GPR137C: variants seen among roughly 807,000 people sequenced by gnomAD.
The protein encoded by GPR137C is G protein-coupled receptor 137C, also known as integral membrane protein GPR137C.
Under a neutral mutation model 43.4 loss-of-function variants are expected in GPR137C, and 27 were observed. That is an observed-to-expected ratio of 0.62 (90% CI 0.46 to 0.86). GPR137C has a LOEUF of 0.86. GPR137C is among the 40% of genes least tolerant of loss of function. The probability of loss-of-function intolerance (pLI) is 0.00; values close to 1 mark genes in which losing one functional copy is unlikely to be tolerated. For missense variants in GPR137C, 522 were observed against 534.6 expected (o/e 0.98, Z 0.23); for synonymous variants, 285 against 226.9 (o/e 1.26, Z -2.30).
At chr14:52,555,685 T>A (rs543815164) in intron 1 of GPR137C, among the ~76,000 whole-genome samples, 1 of 152,328 alleles carries the variant, frequency 6.6e-6, no homozygotes, top group East Asian at 1.9e-4. Context: ...GATAAAACTC[T>A]ATTAACCTGA....
chr14:52,563,128 A>G (rs538420952), intron 1 of GPR137C, among the ~76,000 whole-genome samples: 1 of 151,982 alleles, frequency 6.6e-6, no homozygotes, highest in Admixed American at 6.6e-5. Flanking sequence ...GCAGCAATTG[A>G]CCCCCCATAT....
intron 3 of GPR137C, 41 bp downstream of exon 3, chr14:52,600,382 C>T (rs751604921): frequency 9.9e-7 from 1 of 1,008,800 alleles, no homozygotes; most frequent in African/African-American, 1.6e-5. Context: ...AATCTAATTT[C>T]AAATTCTTAC....
At chr14:52,628,714 T>G (rs1419879837) in intron 3 of GPR137C, among the ~76,000 whole-genome samples, 3 of 152,116 alleles carry the variant, frequency 2.0e-5, no homozygotes, top group Non-Finnish European at 4.4e-5. Context: ...GAGAATCACT[T>G]GAACCCGGTA....
intron 1 of GPR137C, among the ~76,000 whole-genome samples, chr14:52,564,811 G>C (rs2038341782): frequency 6.6e-6 from 1 of 152,102 alleles, no homozygotes. Context: ...ATTGAATGAA[G>C]TTCTTGTTCA....
intron 3 of GPR137C, among the ~76,000 whole-genome samples, chr14:52,624,897 A>G (rs2139573165): frequency 6.6e-6 from 1 of 152,302 alleles, no homozygotes; most frequent in South Asian, 2.1e-4. Context: ...AGGGACTATC[A>G]CTAAACATCT....
intron 3 of GPR137C, chr14:52,611,406 C>A (rs576403814): frequency 9.8e-5 from 16 of 164,070 alleles, no homozygotes; most frequent in East Asian, 1.9e-4. Flanking sequence ...TTATTAAATT[C>A]TTGTTAATTA....
At chr14:52,586,113 T>C (rs1361188675) in intron 1 of GPR137C, among the ~76,000 whole-genome samples, 2 of 152,184 alleles carry the variant, frequency 1.3e-5, no homozygotes, top group Non-Finnish European at 2.9e-5. Context: ...GAGTTTACTA[T>C]CCTGGAATGT....
At chr14:52,610,150 TTAC>T (rs2039023426) in intron 3 of GPR137C, among the ~76,000 whole-genome samples, 1 of 152,248 alleles carries the variant, frequency 6.6e-6, no homozygotes, top group African/African-American at 2.4e-5. Context: ...CCCATTCTGA[TTAC>T]TACATCTGTC....
intron 2 of GPR137C, 105 bp from the exon 3 acceptor site, chr14:52,600,007 AT>A: frequency 1.4e-6 from 1 of 731,388 alleles, no homozygotes; most frequent in Non-Finnish European, 2.3e-6. Flanking sequence ...ATTCATAAAC[AT>A]TTCAAACTGA....
intron 1 of GPR137C, among the ~76,000 whole-genome samples, chr14:52,566,112 T>C (rs2038365683): frequency 6.6e-6 from 1 of 152,204 alleles, no homozygotes; most frequent in Admixed American, 6.5e-5. Context: ...GAGTTATACA[T>C]AACACGTTAA....
At chr14:52,565,403 T>A (rs1446934263) in intron 1 of GPR137C, among the ~76,000 whole-genome samples, 1 of 152,210 alleles carries the variant, frequency 6.6e-6, no homozygotes, top group Non-Finnish European at 1.5e-5. Context: ...AAATGAACTC[T>A]GAGTAATTTA....
rs80153848 is a variant in GPR137C at position 52,618,035 on chromosome 14, G to T, written c.718-14125G>T. On this transcript the variant is annotated intron_variant, in intron 3 of 6. Transcript: ENST00000321662. ...GAGTTCCTGAACACCTGAAAATGTT[G>T]GCAAAATTTGACTGGAGAGGGGTCT... Among the ~76,000 whole-genome samples the T allele has an allele frequency of 8.7e-4, 133 of 152,212 alleles. 3 individuals are homozygous for T. The East Asian group carries it at 0.022, about 25-fold the overall frequency.
chr14:52,622,817 G>A (rs760017563), intron 3 of GPR137C, among the ~76,000 whole-genome samples: 11 of 151,850 alleles, frequency 7.2e-5, no homozygotes, highest in Non-Finnish European at 1.6e-4. Flanking sequence ...TGTACTCTAG[G>A]GTTTATATTT....
chr14:52,578,959 A>AG (rs1051731347), intron 1 of GPR137C, among the ~76,000 whole-genome samples: 1 of 151,802 alleles, frequency 6.6e-6, no homozygotes, highest in Non-Finnish European at 1.5e-5. Flanking sequence ...AAAAAAAAAA[A>AG]GAATGGAAAC....
chr14:52,628,656 TGTG>T (rs890755661), intron 3 of GPR137C, among the ~76,000 whole-genome samples: 1 of 151,876 alleles, frequency 6.6e-6, no homozygotes, highest in Admixed American at 6.6e-5. Flanking sequence ...ATTTGCCAGG[TGTG>T]GTGGCAGGCA....
chr14:52,559,669 T>A (rs2038251117), intron 1 of GPR137C, among the ~76,000 whole-genome samples: 1 of 152,188 alleles, frequency 6.6e-6, no homozygotes, highest in South Asian at 2.1e-4. Flanking sequence ...GCTGGAAGTC[T>A]TAGCCATTGC....
In GPR137C at chr14:52,634,960, G is replaced by A. The variant is rs1309782314; in HGVS notation, c.1135G>A (p.Gly379Ser). The change falls in exon 7 of 7, where the codon GGC becomes AGC. Residue 379 changes from glycine (G) to serine (S), a missense_variant. This residue lies in a region of GPR137C where 67 missense variants were observed against 69.0 expected (regional missense o/e 0.97). Coordinates refer to ENST00000321662, the MANE Select transcript of GPR137C (RefSeq NM_001099652.2). Reference protein sequence around the residue: ...EGSLPNSQSLGWYGTMTGCGS... With the variant: ...EGSLPNSQSLSWYGTMTGCGS... ...CAGTTTACCAAATTCGCAAAGTTTG[G>A]GCTGGTATGGCACCATGACTGGGTG... The A allele has an allele frequency of 1.2e-6, 2 of 1,612,004 alleles. No homozygotes were observed. Among genetic ancestry groups the A allele is most frequent in the Non-Finnish European group, 1.7e-6 (2 of 1,179,120 alleles).
At chr14:52,559,367 C>T (rs1229364196) in intron 1 of GPR137C, among the ~76,000 whole-genome samples, 2 of 151,864 alleles carry the variant, frequency 1.3e-5, no homozygotes, top group Non-Finnish European at 2.9e-5. Flanking sequence ...GGCGACAGAG[C>T]AAGACTCCAT....
chr14:52,596,849 A>G (rs1457465511), intron 1 of GPR137C: 7 of 449,182 alleles, frequency 1.6e-5, no homozygotes, highest in Non-Finnish European at 3.1e-5. Flanking sequence ...AACCAGTCCC[A>G]ATGAGATGAA....
Sources: allele counts gnomAD v4.1 joint callset (sites outside exome capture counted in the v4.1 genomes callset), GRCh38; gene constraint gnomAD v4.1.1; regional missense constraint gnomAD v4.1.1; transcripts MANE v1.5; gene names NCBI Gene and HGNC (gene_info 2026-07-23, HGNC 2026-07-21).